The following NUP210L variants were observed in gnomAD, a reference collection of about 807,000 sequenced individuals.
NUP210L encodes nucleoporin 210 like.
Under a neutral mutation model 208.5 loss-of-function variants are expected in NUP210L, and 74 were observed. The ratio of observed to expected loss-of-function variants is 0.35; its 90% CI spans 0.29 to 0.43. The LOEUF is 0.43. Among genes scored for constraint, NUP210L ranks in the 20% least tolerant of loss-of-function variants. NUP210L has a pLI of 1.00. For synonymous variants in NUP210L, 780 were observed against 816.9 expected (o/e 0.95, Z 0.77); for missense variants, 1,843 against 2,289.4 (o/e 0.81, Z 3.98).
chr1:154,108,674 A>G (rs554931368), intron 12 of NUP210L, among the ~76,000 whole-genome samples: 1 of 151,886 alleles, frequency 6.6e-6, no homozygotes, highest in East Asian at 1.9e-4. Context: ...GGAAGGACAG[A>G]AGGAAGAGAA....
At chr1:154,019,697 C>G (rs899842026) in intron 32 of NUP210L, among the ~76,000 whole-genome samples, 1 of 152,082 alleles carries the variant, frequency 6.6e-6, no homozygotes, top group Non-Finnish European at 1.5e-5. Flanking sequence ...GAGGCCGAGG[C>G]TGGAGGATCA....
chr1:154,053,394 G>A (rs763474531), intron 25 of NUP210L, among the ~76,000 whole-genome samples: 56 of 152,246 alleles, frequency 3.7e-4, no homozygotes, highest in Non-Finnish European at 5.7e-4. Context: ...TGCTTTTATT[G>A]TCTTGCAAAA....
At position 154,152,799 on chromosome 1, in the gene NUP210L, CA is replaced by C; in HGVS notation, c.276del (p.Val93TyrfsTer21). 1 of 1,613,934 alleles carries C rather than the reference CA, an allele frequency of 6.2e-7. No homozygotes were observed. Among genetic ancestry groups the C allele is most frequent in the South Asian group, 1.1e-5 (1 of 91,082 alleles). On this transcript the variant is annotated frameshift_variant, in exon 2 of 40. Transcript: ENST00000368559. LOFTEE classifies it high-confidence loss of function. Reference sequence around the variant, plus strand: ...GGTTGCGTAGATTCAGCAATGAGTACAGCTTTTTGGGAACACAAGGTGCCAT... The same window carrying C: ...GGTTGCGTAGATTCAGCAATGAGTACGCTTTTTGGGAACACAAGGTGCCAT...
chr1:154,017,560 C>T (rs867823599), intron 33 of NUP210L, among the ~76,000 whole-genome samples: 4 of 149,082 alleles, frequency 2.7e-5, no homozygotes, highest in Non-Finnish European at 4.5e-5. Context: ...TCTGTTGCCC[C>T]GGCTGGAGTG....
intron 14 of NUP210L, 125 bp from the exon 15 acceptor site, chr1:154,095,281 T>G (rs1024315548): frequency 1.4e-6 from 1 of 700,528 alleles, no homozygotes; most frequent in Non-Finnish European, 2.4e-6. Context: ...TTAAGAGATA[T>G]GTATGCCATG....
intron 38 of NUP210L, among the ~76,000 whole-genome samples, chr1:153,993,758 TGTG>T (rs1279559216): frequency 3.3e-5 from 5 of 150,948 alleles, no homozygotes; most frequent in Admixed American, 2.0e-4. Context: ...ATTAGACAGG[TGTG>T]GTGGCGGGTG....
At chr1:154,073,967 A>T (rs576274280) in intron 16 of NUP210L, among the ~76,000 whole-genome samples, 5 of 151,978 alleles carry the variant, frequency 3.3e-5, no homozygotes, top group African/African-American at 1.2e-4. Flanking sequence ...CCATGATGGG[A>T]GTATTAACAC....
chr1:154,021,314 C>T (rs973988472), intron 32 of NUP210L, among the ~76,000 whole-genome samples: 1 of 152,056 alleles, frequency 6.6e-6, no homozygotes, highest in African/African-American at 2.4e-5. Context: ...CAGGGGCCAA[C>T]CCCTTGTATA....
intron 29 of NUP210L, among the ~76,000 whole-genome samples, chr1:154,026,818 C>T (rs1651900339): frequency 2.0e-5 from 3 of 152,108 alleles, no homozygotes; most frequent in South Asian, 4.1e-4. Context: ...CGTGGTGGCT[C>T]ACACCTATAA....
At chr1:154,000,691 T>A (rs931544374) in intron 37 of NUP210L, among the ~76,000 whole-genome samples, 165 bp downstream of exon 37, 1 of 152,228 alleles carries the variant, frequency 6.6e-6, no homozygotes, top group Admixed American at 6.5e-5. Context: ...TTTGGAACAG[T>A]GCACAATTTA....
intron 35 of NUP210L, among the ~76,000 whole-genome samples, chr1:154,006,049 G>A (rs545382105): frequency 3.3e-5 from 5 of 151,932 alleles, no homozygotes; most frequent in South Asian, 2.1e-4. Context: ...GTAGAGATGG[G>A]GTTTCTCCAT....
intron 10 of NUP210L, among the ~76,000 whole-genome samples, chr1:154,121,035 CAG>C (rs1356031164): frequency 1.3e-5 from 2 of 151,878 alleles, no homozygotes; most frequent in African/African-American, 2.4e-5. Flanking sequence ...CAAGGATAGT[CAG>C]AGAAACTTTT....
exon 28 of NUP210L, chr1:154,029,986 G>A: frequency 6.2e-7 from 1 of 1,611,774 alleles, no homozygotes; most frequent in Non-Finnish European, 8.5e-7. Flanking sequence ...CCTTGATACT[G>A]GTCCTGCCTG....
chr1:154,125,687 A>G (rs867380395), intron 10 of NUP210L, among the ~76,000 whole-genome samples: 1,005 of 10,586 alleles, frequency 0.095, 10 homozygotes, highest in Non-Finnish European at 0.17. Context: ...GGAAGGAAGG[A>G]AGGAAGGAAG....
At chr1:154,070,613 TAATA>T in intron 16 of NUP210L, 148 bp from the exon 17 acceptor site, 1 of 527,280 alleles carries the variant, frequency 1.9e-6, no homozygotes. Context: ...AAGAACAATA[TAATA>T]AATACCTATA....
At chr1:153,992,838 G>T (rs763087641) in exon 40 of NUP210L, 3 of 1,600,142 alleles carry the variant, frequency 1.9e-6, no homozygotes, top group Non-Finnish European at 2.6e-6. Context: ...GCAGAGGTTA[G>T]TGCCTTATAC....
exon 26 of NUP210L, chr1:154,046,338 C>T: frequency 6.2e-7 from 1 of 1,614,172 alleles, no homozygotes; most frequent in Non-Finnish European, 8.5e-7. Flanking sequence ...CCTAACAGCC[C>T]TTAGCTGAAC....
chr1:154,021,323 TAA>T (rs1651549647), intron 32 of NUP210L, among the ~76,000 whole-genome samples: 1 of 151,998 alleles, frequency 6.6e-6, no homozygotes, highest in African/African-American at 2.4e-5. Flanking sequence ...ACCCCTTGTA[TAA>T]AAAATATAAA....
intron 33 of NUP210L, among the ~76,000 whole-genome samples, chr1:154,016,260 GA>G (rs990396804): frequency 4.3e-5 from 6 of 139,264 alleles, no homozygotes; most frequent in African/African-American, 7.9e-5. Context: ...TCTCTTAAAA[GA>G]AAAAAAAAAG....
Sources: allele counts gnomAD v4.1 joint callset (sites outside exome capture counted in the v4.1 genomes callset), GRCh38; gene constraint gnomAD v4.1.1; transcripts MANE v1.5; gene names NCBI Gene and HGNC (gene_info 2026-07-23, HGNC 2026-07-21).